XPO1: variants seen among roughly 807,000 people sequenced by gnomAD.
XPO1 encodes exportin-1.
Under a neutral mutation model 133.3 loss-of-function variants are expected in XPO1, and 5 were observed. The ratio of observed to expected loss-of-function variants is 0.04; its 90% CI spans 0.02 to 0.08. The LOEUF is 0.08. Among genes scored for constraint, XPO1 ranks in the 10% least tolerant of loss-of-function variants. The probability of loss-of-function intolerance (pLI) is 1.00; values close to 1 mark genes in which losing one functional copy is unlikely to be tolerated. For synonymous variants in XPO1, 419 were observed against 408.2 expected (o/e 1.03, Z -0.32); for missense variants, 506 against 1,267.5 (o/e 0.40, Z 9.12).
intron 4 of XPO1, among the ~76,000 whole-genome samples, chr2:61,504,287 C>T (rs1243831944): frequency 2.0e-5 from 3 of 152,134 alleles, no homozygotes; most frequent in Non-Finnish European, 4.4e-5. Context: ...GTAGAATTTG[C>T]TGAGCATCTA....
chr2:61,530,084 G>C (rs945683632), intron 2 of XPO1, among the ~76,000 whole-genome samples: 20 of 152,182 alleles, frequency 1.3e-4, no homozygotes, highest in African/African-American at 4.8e-4. Flanking sequence ...TTCTCCCTGA[G>C]AATATCTAGC....
intron 23 of XPO1, among the ~76,000 whole-genome samples, chr2:61,481,483 A>C (rs546972341): frequency 2.6e-5 from 4 of 152,074 alleles, no homozygotes; most frequent in African/African-American, 9.6e-5. Context: ...TTTTTGAGAC[A>C]AAGTTTTGCT....
chr2:61,503,525 C>T lies in XPO1; in HGVS notation c.302-1215G>A, dbSNP rs374902809. On this transcript the variant is annotated intron_variant, in intron 4 of 24. Transcript: ENST00000401558. The stretch of plus-strand genomic sequence containing the variant: ...CTGCAAGCTCCACCTCCTGGGTTCA[C>T]GCCATTCTCATGCCTCAGCCTCCCA... Among the ~76,000 whole-genome samples the T allele has an allele frequency of 2.2e-4, 34 of 152,014 alleles. No homozygotes were observed. In the East Asian group the frequency reaches 3.3e-3, roughly 15 times the overall value.
rs975946699 is a variant in XPO1, at chr2:61,489,024, C to T, written c.2023-253G>A. 1.1e-4 allele frequency among the ~76,000 whole-genome samples: 16 copies of T among 151,878 alleles called. No homozygotes were observed. In the East Asian group the frequency reaches 2.9e-3, roughly 28 times the overall value. Reference sequence around the variant, plus strand: ...GGTTGAGGCAGGAGAACGGCGTGAACGCTAGAGATGGAGTTTGCAGTGAGC... The same window carrying T: ...GGTTGAGGCAGGAGAACGGCGTGAATGCTAGAGATGGAGTTTGCAGTGAGC... On this transcript the variant is annotated intron_variant, in intron 17 of 24. Transcript: ENST00000401558.
At chr2:61,533,959 A>C in intron 1 of XPO1, 56 bp from the exon 2 acceptor site, 1 of 1,370,136 alleles carries the variant, frequency 7.3e-7, no homozygotes, top group South Asian at 2.0e-5. Flanking sequence ...ATTATCAAAA[A>C]CTTCCTACAA....
intron 2 of XPO1, among the ~76,000 whole-genome samples, chr2:61,532,948 C>T (rs1007221407): frequency 3.3e-5 from 5 of 152,086 alleles, no homozygotes; most frequent in Non-Finnish European, 5.9e-5. Context: ...GAGGCCGAGT[C>T]AGGTGGATCA....
chr2:61,502,714 T>C (rs548732339), intron 4 of XPO1: 26 of 165,282 alleles, frequency 1.6e-4, no homozygotes, highest in Non-Finnish European at 2.5e-4. Flanking sequence ...CATCACGTCA[T>C]TGCACTCCAG....
chr2:61,483,322 TGTAAAGG>T, intron 21 of XPO1: 1 of 445,610 alleles, frequency 2.2e-6, no homozygotes. Context: ...ACTGTGAAGA[TGTAAAGG>T]CATAAAGATC....
At chr2:61,488,845 TA>T in intron 17 of XPO1, 74 bp from the exon 18 acceptor site, 2 of 1,524,776 alleles carry the variant, frequency 1.3e-6, no homozygotes, top group South Asian at 2.4e-5. Flanking sequence ...CTCACGCCTG[TA>T]ATCCCAGCAC....
chr2:61,509,770 G>A (rs79212054), intron 4 of XPO1, among the ~76,000 whole-genome samples: 2,622 of 152,198 alleles, frequency 0.017, 78 homozygotes, highest in African/African-American at 0.059. Context: ...CCAGCAAGAG[G>A]CAGTCAACCT....
intron 9 of XPO1, among the ~76,000 whole-genome samples, chr2:61,497,279 C>A (rs1026205286): frequency 2.0e-5 from 3 of 152,112 alleles, no homozygotes; most frequent in Admixed American, 1.3e-4. Flanking sequence ...GGGGCTTGAT[C>A]TCGGCTCACT....
chr2:61,491,459 A>AACAC (rs61072503), intron 16 of XPO1, among the ~76,000 whole-genome samples: 3,330 of 142,950 alleles, frequency 0.023, 57 homozygotes, highest in African/African-American at 0.048. Flanking sequence ...TCAAAAAACA[A>AACAC]ACACACACAC....
At chr2:61,530,442 T>C (rs767352483) in intron 2 of XPO1, among the ~76,000 whole-genome samples, 1 of 152,180 alleles carries the variant, frequency 6.6e-6, no homozygotes. Flanking sequence ...ATCTCCCTTG[T>C]ACTACTAACT....
chr2:61,529,302 C>T (rs1372585835), intron 2 of XPO1, among the ~76,000 whole-genome samples: 3 of 152,194 alleles, frequency 2.0e-5, no homozygotes, highest in African/African-American at 7.2e-5. Context: ...CTCTCACAAC[C>T]ATTTCTGACA....
chr2:61,513,733 C>A (rs1418944287), intron 4 of XPO1, among the ~76,000 whole-genome samples: 1 of 152,110 alleles, frequency 6.6e-6, no homozygotes, highest in Non-Finnish European at 1.5e-5. Context: ...TGATTTTAAT[C>A]AAAATCTGAA....
Position 61,492,266 on chromosome 2 carries a change from C to T in XPO1, c.1723+59G>A, listed in dbSNP as rs1054015367. 24 of 1,584,802 alleles carry T rather than the reference C, an allele frequency of 1.5e-5. No individual in the cohort carries two copies. The highest frequency in any genetic ancestry group is 2.0e-5 in the Non-Finnish European group (23 of 1,171,050). Reference sequence around the variant, plus strand: ...TCATGGGTCTCTAACAAGACAAAAACATTCATTTATTTTCTTCAATAAAAA... The same window carrying T: ...TCATGGGTCTCTAACAAGACAAAAATATTCATTTATTTTCTTCAATAAAAA... On this transcript the variant is annotated intron_variant, in intron 15 of 24. Transcript: ENST00000401558. The surrounding 1 kb of genome is among the most constrained non-coding windows in gnomAD (Gnocchi z 5.6).
chr2:61,488,379 A>G (rs1008459395), intron 18 of XPO1, 108 bp from the exon 19 acceptor site: 13 of 1,250,254 alleles, frequency 1.0e-5, no homozygotes, highest in African/African-American at 4.5e-5. Context: ...GTTTAAAGCC[A>G]AAAGTTCACA....
At chr2:61,531,378 C>A (rs950436067) in intron 2 of XPO1, among the ~76,000 whole-genome samples, 11 of 152,164 alleles carry the variant, frequency 7.2e-5, no homozygotes, top group Non-Finnish European at 1.3e-4. Context: ...TTTAGAAACA[C>A]TTTTCTTAAT....
At chr2:61,535,881 A>G (rs1699336990) in intron 1 of XPO1, among the ~76,000 whole-genome samples, 1 of 152,246 alleles carries the variant, frequency 6.6e-6, no homozygotes, top group Non-Finnish European at 1.5e-5. Flanking sequence ...TTCAAGTACC[A>G]TAAAATTTAA....
Sources: allele counts gnomAD v4.1 joint callset (sites outside exome capture counted in the v4.1 genomes callset), GRCh38; gene constraint gnomAD v4.1.1; non-coding constraint Gnocchi (gnomAD v3.1); transcripts MANE v1.5; gene names NCBI Gene and HGNC (gene_info 2026-07-23, HGNC 2026-07-21).